MAPK10: variants seen among roughly 807,000 people sequenced by gnomAD.
MAPK10 encodes JNK3 alpha protein kinase.
Under a neutral mutation model 59.3 loss-of-function variants are expected in MAPK10, and 25 were observed. That is an observed-to-expected ratio of 0.42 (90% CI 0.31 to 0.59). The LOEUF (loss-of-function observed/expected upper bound fraction) is 0.59. Ranked by LOEUF, MAPK10 falls within the 20% of genes least tolerant of loss-of-function variation. The pLI is 0.15. For missense variants in MAPK10, 351 were observed against 568.9 expected (o/e 0.62, Z 3.90); for synonymous variants, 190 against 200.5 (o/e 0.95, Z 0.44).
chr4:86,251,928 G>A (rs1203953683), intron 2 of MAPK10, among the ~76,000 whole-genome samples: 1 of 123,972 alleles, frequency 8.1e-6, no homozygotes, highest in Non-Finnish European at 1.6e-5. Context: ...GATGGCCAGT[G>A]ATGATGAGCA....
chr4:86,271,453 A>C (rs539533287), intron 2 of MAPK10, among the ~76,000 whole-genome samples: 59 of 151,908 alleles, frequency 3.9e-4, no homozygotes, highest in Admixed American at 2.3e-3. Context: ...AATTTTTTCC[A>C]CTTTTATTTT....
At chr4:86,114,375 C>T (rs180724705) in intron 4 of MAPK10, among the ~76,000 whole-genome samples, 1 of 152,160 alleles carries the variant, frequency 6.6e-6, no homozygotes, top group African/African-American at 2.4e-5. Flanking sequence ...ATCTTTGAGG[C>T]TGCTGACCTT....
In MAPK10 at chr4:86,014,333, TGTGTGTGTGTGTTAA is replaced by T. The variant is rs1560494472; in HGVS notation, c.*2880_*2894del. On this transcript the variant is annotated 3_prime_UTR_variant, in exon 14 of 14. Coordinates refer to ENST00000641462, the MANE Select transcript of MAPK10 (RefSeq NM_138982.4). Reference sequence around the variant, plus strand: ...GTGTGTGTGTGTGTGTGTGTGTGTGTGTGTGTGTGTGTTAAGACAGACAAGTGAATGCAGAACATA... The same window carrying T: ...GTGTGTGTGTGTGTGTGTGTGTGTGTGACAGACAAGTGAATGCAGAACATA... The T allele has an allele frequency of 7.4e-6, 1 of 134,670 alleles. No individual in the cohort carries two copies. Among genetic ancestry groups the T allele is most frequent in the African/African-American group, 2.9e-5 (1 of 34,078 alleles). The allele number at this position is 134,670 out of a possible 1,614,324, so 8.3% of individuals were successfully genotyped here. A position where few individuals can be genotyped will look rare whatever the true frequency, so the allele number is the denominator to read the frequency against.
At chr4:86,550,205 C>T (rs914802236) in intron 1 of MAPK10, among the ~76,000 whole-genome samples, 5 of 150,982 alleles carry the variant, frequency 3.3e-5, no homozygotes, top group South Asian at 2.1e-4. Context: ...CCATACTCCC[C>T]GAGGAATCTG....
In MAPK10 at chr4:86,103,072, ACT is replaced by A; in HGVS notation, c.425+112_425+113del. ...TCTTTGAGCAGTATAAGGGATTTCA[ACT>A]CTGTGTGTGTGTGTGTGTGTGTGTG... is the stretch of plus-strand genomic sequence containing the variant. On this transcript the variant is annotated intron_variant, in intron 6 of 13. Transcript: ENST00000641462. The A allele has an allele frequency of 5.3e-5, 17 of 322,514 alleles. No homozygotes were observed. The East Asian group carries it at 1.1e-3, about 20-fold the overall frequency. The allele number at this position is 322,514 out of a possible 1,614,324, so 20.0% of individuals were successfully genotyped here. A position where few individuals can be genotyped will look rare whatever the true frequency, so the allele number is the denominator to read the frequency against.
At chr4:86,562,192 T>C (rs1578123430) in intron 1 of MAPK10, among the ~76,000 whole-genome samples, 1 of 152,092 alleles carries the variant, frequency 6.6e-6, no homozygotes, top group African/African-American at 2.4e-5. Context: ...CCCAAGAAGA[T>C]TGTTTGAGCC....
At chr4:86,281,838 G>A (rs1314378195) in intron 2 of MAPK10, among the ~76,000 whole-genome samples, 2 of 151,900 alleles carry the variant, frequency 1.3e-5, no homozygotes, top group African/African-American at 4.8e-5. Flanking sequence ...TACAACTATT[G>A]ATTGGACTGA....
At chr4:86,454,565 AC>A (rs1751070025), upstream of MAPK10, among the ~76,000 whole-genome samples, 2 of 152,120 alleles carry the variant, frequency 1.3e-5, no homozygotes, top group South Asian at 4.1e-4. Context: ...TTTCAAATTA[AC>A]CCAATCCAAC....
intron 1 of MAPK10, among the ~76,000 whole-genome samples, chr4:86,572,745 G>C (rs1419035491): frequency 1.3e-5 from 2 of 152,192 alleles, no homozygotes; most frequent in Non-Finnish European, 2.9e-5. Context: ...CCAAATGGCT[G>C]TGCCATATTG....
At chr4:86,073,252 T>C (rs1398810791) in intron 9 of MAPK10, among the ~76,000 whole-genome samples, 56 of 145,846 alleles carry the variant, frequency 3.8e-4, no homozygotes, top group African/African-American at 1.3e-3. Flanking sequence ...CCCTTTATCA[T>C]TTTTTATTGT....
At chr4:86,571,782 T>C (rs1367475529) in intron 1 of MAPK10, among the ~76,000 whole-genome samples, 2 of 152,174 alleles carry the variant, frequency 1.3e-5, no homozygotes, top group Non-Finnish European at 1.5e-5. Context: ...TACTTGTCTA[T>C]GGTAAATGTA....
At chr4:86,402,892 T>C (rs1209866309) in intron 1 of MAPK10, among the ~76,000 whole-genome samples, 2 of 152,152 alleles carry the variant, frequency 1.3e-5, no homozygotes, top group Non-Finnish European at 2.9e-5. Flanking sequence ...TGGGCTCAAA[T>C]GCAACATTGG....
At chr4:86,268,354 T>C (rs544222776) in intron 2 of MAPK10, 1 of 152,384 alleles carries the variant, frequency 6.6e-6, no homozygotes, top group South Asian at 2.1e-4. Context: ...ACCTGAATTC[T>C]TGCAAGAGGC....
intron 2 of MAPK10, 50 bp downstream of exon 2, chr4:86,354,480 T>C (rs1733392590): frequency 2.3e-5 from 18 of 794,340 alleles, no homozygotes; most frequent in South Asian, 6.4e-5. Context: ...AAATTGGCTA[T>C]ATAGATCCTA....
intron 9 of MAPK10, among the ~76,000 whole-genome samples, chr4:86,089,054 C>T (rs576155953): frequency 6.6e-6 from 1 of 152,214 alleles, no homozygotes; most frequent in East Asian, 1.9e-4. Flanking sequence ...AGTTACTCTG[C>T]CATAATGCCA....
chr4:86,016,177 C>T lies in MAPK10; in HGVS notation c.*1051G>A, dbSNP rs1463285498. On this transcript the variant is annotated 3_prime_UTR_variant, in exon 14 of 14. Transcript: ENST00000641462. ...CACACACAATAACCTTGCTTCACCA[C>T]CTGCCACTTTCTCCAGTGGCCTCTT... The T allele has an allele frequency of 6.6e-6, 1 of 152,204 alleles. No individual in the cohort carries two copies. Among genetic ancestry groups the T allele is most frequent in the Non-Finnish European group, 1.5e-5 (1 of 68,044 alleles). 9.4% of individuals were successfully genotyped at this position (152,204 alleles called of 1,614,324 possible).
chr4:86,158,119 G>T (rs1038352261), intron 4 of MAPK10, among the ~76,000 whole-genome samples: 2 of 151,880 alleles, frequency 1.3e-5, no homozygotes, highest in Non-Finnish European at 2.9e-5. Context: ...AATATTGCTA[G>T]CATAGCAAAT....
At chr4:86,194,629 T>C (rs575825664) in intron 2 of MAPK10, among the ~76,000 whole-genome samples, 26 of 152,102 alleles carry the variant, frequency 1.7e-4, no homozygotes, top group Admixed American at 7.9e-4. Context: ...TCCATCACAC[T>C]CATAAAGATT....
chr4:86,359,263 C>CCTCTCTCTCTCTCTCTCTCTCTCTCT (rs367595812), intron 1 of MAPK10, among the ~76,000 whole-genome samples: 3 of 53,466 alleles, frequency 5.6e-5, no homozygotes, highest in African/African-American at 1.2e-4. Context: ...TTTTTTTTTT[C>CCTCTCTCTCTCTCTCTCTCTCTCTCT]CTCTCTCTCT....
Sources: gnomAD v4.1 joint callset for allele counts (sites outside exome capture counted in the v4.1 genomes callset) on GRCh38, gnomAD v4.1.1 for gene constraint, MANE v1.5 for transcripts, NCBI Gene and HGNC (gene_info 2026-07-23, HGNC 2026-07-21) for gene names.